Variants in PXMP4 observed in about 807,000 individuals in gnomAD.
The protein encoded by PXMP4 is 24 kDa peroxisomal intrinsic membrane protein.
A neutral mutation model predicts 21.6 loss-of-function variants in PXMP4; 16 were observed. The observed-to-expected ratio is 0.74, with a 90% CI of 0.50 to 1.13. The LOEUF (loss-of-function observed/expected upper bound fraction) is 1.13, where lower values mean the gene tolerates loss of function less well. Ranked by LOEUF, PXMP4 falls within the 50% of genes most tolerant of loss-of-function variation. The pLI, the probability that PXMP4 is intolerant of heterozygous loss-of-function variation, is 0.00. For synonymous variants in PXMP4, 127 were observed against 123.8 expected, an observed-to-expected ratio of 1.03 and a Z score of -0.17; for missense variants, 240 against 277.7, an observed-to-expected ratio of 0.86 and a Z score of 0.96.
rs767200571 is a variant in PXMP4, at chr20:33,720,169, G to A, written c.39C>T (p.Val13=). 1.9e-6 allele frequency: 3 copies of A among 1,613,402 alleles called. No homozygotes were observed. The highest frequency in any genetic ancestry group is 1.3e-5 in the African/African-American group (1 of 75,070). ...GGCGCTTGCGCAGCAGTGCGTTGAC[G>A]ACTACGAGCAGAGCCCTTAGCTGCG... ...APPQLRALLV[V]VNALLRKRRY... is the part of the protein sequence containing the mutation. The change falls in exon 1 of 4, where the codon GTC becomes GTT. Residue 13 remains valine, a synonymous_variant. Transcript: ENST00000409299.
intron 2 of PXMP4, among the ~76,000 whole-genome samples, chr20:33,713,133 TACA>T (rs776263520): frequency 6.6e-6 from 1 of 152,210 alleles, no homozygotes; most frequent in Admixed American, 6.6e-5. Flanking sequence ...CTCAAAATCT[TACA>T]ACAATTTCCC....
intron 1 of PXMP4, among the ~76,000 whole-genome samples, chr20:33,715,513 C>T (rs867559529): frequency 6.6e-6 from 1 of 151,822 alleles, no homozygotes; most frequent in Non-Finnish European, 1.5e-5. Context: ...GCAACCTCCA[C>T]CTCCTGGGTT....
At chr20:33,719,041 A>G (rs1268874578) in intron 1 of PXMP4, among the ~76,000 whole-genome samples, 2 of 152,288 alleles carry the variant, frequency 1.3e-5, no homozygotes, top group South Asian at 2.1e-4. Flanking sequence ...GACTACAGGC[A>G]TGTGACACTA....
intron 1 of PXMP4, 116 bp from the exon 2 acceptor site, chr20:33,714,852 G>A: frequency 9.9e-7 from 1 of 1,005,742 alleles, no homozygotes; most frequent in Non-Finnish European, 1.6e-6. Context: ...ACCACTTTGG[G>A]AGGGGAAATC....
At position 33,703,544 on chromosome 20, in the gene PXMP4, T is replaced by C. The variant is rs1379854711; in HGVS notation, c.*4162A>G. 1 of 152,290 alleles carries C rather than the reference T, an allele frequency of 6.6e-6. No homozygotes were observed. Among genetic ancestry groups the C allele is most frequent in the East Asian group, 1.9e-4 (1 of 5,188 alleles). The allele number at this position is 152,290 out of a possible 1,614,324, so 9.4% of individuals were successfully genotyped here. ...CCAGTTTTAGTTTGGGTTCCCCCAA[T>C]AGCAGACTCTAAGACAAGGGTTTGA... On this transcript the variant is annotated 3_prime_UTR_variant, in exon 4 of 4. Transcript: ENST00000409299.
rs1357950410 is a variant in PXMP4, at chr20:33,710,599, C to A, written c.331G>T (p.Gly111Trp). The change falls in exon 3 of 4, where the codon GGG (glycine) becomes TGG (tryptophan). Residue 111 changes from glycine to tryptophan, a missense_variant. Physicochemically the swap from Gly to Trp is radical, Grantham distance 184. Coordinates refer to ENST00000409299, the MANE Select transcript of PXMP4 (RefSeq NM_007238.5). ...TTTTCTCCAAACACCAGGATACCCCCGAGGAAGGCCGCCAGGAATGCGTGT... is the reference window on the plus strand; with the variant it reads ...TTTTCTCCAAACACCAGGATACCCCAGAGGAAGGCCGCCAGGAATGCGTGT... ...PAHAFLAAFLGGILVFGENNN... is the reference protein window; with the variant it reads ...PAHAFLAAFLWGILVFGENNN... 6.2e-7 allele frequency: 1 copy of A among 1,613,536 alleles called. No individual in the cohort carries two copies. Among genetic ancestry groups the A allele is most frequent in the Non-Finnish European group, 8.5e-7 (1 of 1,179,824 alleles).
In PXMP4 at chr20:33,702,929, T is replaced by TA. The variant is rs1250446014; in HGVS notation, c.*4776dup. The TA allele has an allele frequency of 6.6e-6, 1 of 152,180 alleles. No individual in the cohort carries two copies. The highest frequency in any genetic ancestry group is 1.5e-5 in the Non-Finnish European group (1 of 68,040). The allele number at this position is 152,180 out of a possible 1,614,324, so 9.4% of individuals were successfully genotyped here. ...CTGGCCATCCCTGTTTTACAGGTCT[T>TA]AGAGAATGGAGGGCAGCTAGGAAGG... On this transcript the variant is annotated 3_prime_UTR_variant, in exon 4 of 4. Coordinates refer to ENST00000409299, the MANE Select transcript of PXMP4 (RefSeq NM_007238.5).
intron 1 of PXMP4, among the ~76,000 whole-genome samples, chr20:33,718,085 A>C (rs1568922859): frequency 6.6e-6 from 1 of 152,146 alleles, no homozygotes; most frequent in Non-Finnish European, 1.5e-5. Flanking sequence ...CCCTGGTCTT[A>C]CCAGGCTACA....
chr20:33,708,084 GTTTA>G (rs1346787665), intron 3 of PXMP4, 115 bp from the exon 4 acceptor site: 7 of 1,236,076 alleles, frequency 5.7e-6, no homozygotes, highest in East Asian at 2.6e-5. Context: ...CTGGCTAGGG[GTTTA>G]TTTATTTTAA....
chr20:33,710,162 T>A (rs1384844981), intron 3 of PXMP4, among the ~76,000 whole-genome samples: 1 of 92,884 alleles, frequency 1.1e-5, no homozygotes, highest in Non-Finnish European at 2.2e-5. Flanking sequence ...AACCACGCCC[T>A]TTCCCCACTC....
rs1240054403 is a variant in PXMP4 at position 33,706,213 on chromosome 20, A to G, written c.*1493T>C. 1 of 152,092 alleles carries G rather than the reference A, an allele frequency of 6.6e-6. No individual in the cohort carries two copies. Among genetic ancestry groups the G allele is most frequent in the African/African-American group, 2.4e-5 (1 of 41,412 alleles). 9.4% of individuals were successfully genotyped at this position (152,092 alleles called of 1,614,324 possible). A position where few individuals can be genotyped will look rare whatever the true frequency, so the allele number is the denominator to read the frequency against. ...AGTGCTGGGATTACAGGCGTGAGCCACTGCACCTGGCCTGACCCTCAGTTT... is the reference window on the plus strand; with the variant it reads ...AGTGCTGGGATTACAGGCGTGAGCCGCTGCACCTGGCCTGACCCTCAGTTT... On this transcript the variant is annotated 3_prime_UTR_variant, in exon 4 of 4. Transcript: ENST00000409299.
Position 33,706,978 on chromosome 20 carries a change from C to T in PXMP4, c.*728G>A, listed in dbSNP as rs2122577520. The T allele has an allele frequency of 6.6e-6, 1 of 151,966 alleles. No homozygotes were observed. The highest frequency in any genetic ancestry group is 2.1e-4 in the South Asian group (1 of 4,806). 9.4% of individuals were successfully genotyped at this position (151,966 alleles called of 1,614,324 possible). A position where few individuals can be genotyped will look rare whatever the true frequency, so the allele number is the denominator to read the frequency against. On this transcript the variant is annotated 3_prime_UTR_variant, in exon 4 of 4. Coordinates refer to ENST00000409299, the MANE Select transcript of PXMP4 (RefSeq NM_007238.5). ...GTGGCGTGATCTTTGCTCACTGTAG[C>T]CTCGACCTCATAGGCTCAAGTGATC...
chr20:33,707,608 T>G lies in PXMP4; in HGVS notation c.*98A>C. 2 of 1,468,548 alleles carry G rather than the reference T, an allele frequency of 1.4e-6. No homozygotes were observed. Among genetic ancestry groups the G allele is most frequent in the Non-Finnish European group, 1.8e-6 (2 of 1,081,716 alleles). The allele number at this position is 1,468,548 out of a possible 1,614,324, so 91.0% of individuals were successfully genotyped here. ...AAACGGAACCCTGGGATAACACCAG[T>G]TGGAGTCTGAGGCCTATGATCTTGA... On this transcript the variant is annotated 3_prime_UTR_variant, in exon 4 of 4. Coordinates refer to ENST00000409299, the MANE Select transcript of PXMP4 (RefSeq NM_007238.5).
chr20:33,714,631 C>G, intron 2 of PXMP4, 43 bp downstream of exon 2: 1 of 1,586,902 alleles, frequency 6.3e-7, no homozygotes, highest in Middle Eastern at 1.7e-4. Context: ...TGTCCTGGCA[C>G]TGAGGGCTGA....
At chr20:33,712,573 C>T (rs2018340280) in intron 2 of PXMP4, among the ~76,000 whole-genome samples, 1 of 152,232 alleles carries the variant, frequency 6.6e-6, no homozygotes, top group Admixed American at 6.5e-5. Flanking sequence ...CCTCAGCCTC[C>T]CGAGTAGCTG....
At chr20:33,719,550 G>A (rs1332924216) in intron 1 of PXMP4, among the ~76,000 whole-genome samples, 2 of 152,222 alleles carry the variant, frequency 1.3e-5, no homozygotes, top group Non-Finnish European at 2.9e-5. Context: ...CTCTCTTGCA[G>A]GTAAGATGCC....
Position 33,707,471 on chromosome 20 carries a change from AGTCAGCTGC to A in PXMP4, c.*226_*234del. On this transcript the variant is annotated 3_prime_UTR_variant, in exon 4 of 4. Coordinates refer to ENST00000409299, the MANE Select transcript of PXMP4 (RefSeq NM_007238.5). Reference sequence around the variant, plus strand: ...GTGTGGCTGGCCCCAGTCTCACAGAAGTCAGCTGCACAGCTGGAACCAAGCCGTAGATTC... The same window carrying A: ...GTGTGGCTGGCCCCAGTCTCACAGAAACAGCTGGAACCAAGCCGTAGATTC... The A allele has an allele frequency of 1.8e-6, 1 of 547,064 alleles. No homozygotes were observed. Among genetic ancestry groups the A allele is most frequent in the South Asian group, 2.2e-5 (1 of 45,230 alleles). The allele number at this position is 547,064 out of a possible 1,614,324, so 33.9% of individuals were successfully genotyped here.
At chr20:33,715,412 C>T (rs1377648061) in intron 1 of PXMP4, among the ~76,000 whole-genome samples, 2 of 151,906 alleles carry the variant, frequency 1.3e-5, no homozygotes, top group Non-Finnish European at 2.9e-5. Flanking sequence ...TGTTAAACTT[C>T]AGAGGGCTGG....
intron 1 of PXMP4, 38 bp from the exon 2 acceptor site, chr20:33,714,774 T>C (rs777770631): frequency 5.0e-6 from 8 of 1,596,746 alleles, no homozygotes; most frequent in Non-Finnish European, 6.0e-6. Flanking sequence ...ATAATGTCAC[T>C]GTGTCGCACT....
Sources: allele counts gnomAD v4.1 joint callset (sites outside exome capture counted in the v4.1 genomes callset), GRCh38; gene constraint gnomAD v4.1.1; transcripts MANE v1.5; gene names NCBI Gene and HGNC (gene_info 2026-07-23, HGNC 2026-07-21).